The following ARL15 variants were observed in gnomAD, a reference collection of about 807,000 sequenced individuals.
ARL15 encodes the protein ARF like GTPase 15, also known as ADP-ribosylation factor-like protein 15.
Under a neutral mutation model 25.2 loss-of-function variants are expected in ARL15, and 19 were observed. The ratio of observed to expected loss-of-function variants is 0.75; its 90% confidence interval spans 0.53 to 1.10. The LOEUF (loss-of-function observed/expected upper bound fraction) is 1.10. Ranked by LOEUF, ARL15 falls within the 50% of genes least tolerant of loss-of-function variation. The probability of loss-of-function intolerance (pLI) is 0.00; values close to 1 mark genes in which losing one functional copy is unlikely to be tolerated. For synonymous variants in ARL15, 94 were observed against 86.8 expected (o/e 1.08, Z -0.46); for missense variants, 220 against 246.0 (o/e 0.89, Z 0.71).
intron 3 of ARL15, among the ~76,000 whole-genome samples, chr5:54,128,204 C>T (rs1753320153): frequency 6.6e-6 from 1 of 152,156 alleles, no homozygotes; most frequent in Non-Finnish European, 1.5e-5. Flanking sequence ...GTGAAGCCTT[C>T]CTTAATTTTA....
At chr5:53,992,397 C>A (rs1353818360) in intron 4 of ARL15, among the ~76,000 whole-genome samples, 1 of 152,118 alleles carries the variant, frequency 6.6e-6, no homozygotes, top group African/African-American at 2.4e-5. Flanking sequence ...ATAACACACA[C>A]AGAGGAAATC....
At position 54,208,403 on chromosome 5, in the gene ARL15, C is replaced by T. The variant is rs567922054; in HGVS notation, c.49-36475G>A. Among the ~76,000 whole-genome samples, 9 of 151,800 alleles carry T rather than the reference C, an allele frequency of 5.9e-5. No homozygotes were observed. In the East Asian group the frequency reaches 7.7e-4, roughly 13 times the overall value. On this transcript the variant is annotated intron_variant, in intron 1 of 4. Transcript: ENST00000504924. ...TCTAATACATATATACATGCACATG[C>T]GCACACACACACGCACACACACACA...
chr5:54,057,813 G>A (rs999275327), intron 4 of ARL15, among the ~76,000 whole-genome samples: 1 of 151,944 alleles, frequency 6.6e-6, no homozygotes, highest in Non-Finnish European at 1.5e-5. Flanking sequence ...TGCACCTCTC[G>A]ACTTCACTCC....
intron 4 of ARL15, among the ~76,000 whole-genome samples, chr5:54,063,951 T>A (rs1026082309): frequency 6.6e-6 from 1 of 152,208 alleles, no homozygotes; most frequent in Non-Finnish European, 1.5e-5. Context: ...GACCACATCA[T>A]TTTTAGCATT....
At chr5:53,985,252 C>T (rs534805597) in intron 4 of ARL15, among the ~76,000 whole-genome samples, 2 of 152,258 alleles carry the variant, frequency 1.3e-5, no homozygotes, top group South Asian at 2.1e-4. Flanking sequence ...TCACACTCCT[C>T]CCCCTATCTC....
chr5:54,099,267 TA>T (rs1752370187), intron 4 of ARL15, among the ~76,000 whole-genome samples: 1 of 152,184 alleles, frequency 6.6e-6, no homozygotes, highest in South Asian at 2.1e-4. Context: ...CAGAATGATA[TA>T]TCTGGAACAT....
chr5:54,129,118 C>T lies in ARL15; in HGVS notation c.254-15708G>A, dbSNP rs2112270858. ...ATTAAAAACAACAAAAAAACCAATC[C>T]CTTCCTGATACCTTTCAACATATAT... On this transcript the variant is annotated intron_variant, in intron 3 of 4. Coordinates refer to ENST00000504924, the MANE Select transcript of ARL15 (RefSeq NM_019087.3). Among the ~76,000 whole-genome samples the T allele has an allele frequency of 1.3e-5, 2 of 152,146 alleles. 1 individual carries two copies. The highest frequency in any genetic ancestry group is 4.1e-4 in the South Asian group (2 of 4,822).
chr5:53,897,105 T>G (rs918188692), intron 4 of ARL15, among the ~76,000 whole-genome samples: 19 of 152,230 alleles, frequency 1.2e-4, no homozygotes, highest in African/African-American at 4.3e-4. Context: ...ATTTGTATAC[T>G]ATAAAATTCA....
chr5:54,249,594 A>G (rs2289855), intron 1 of ARL15, among the ~76,000 whole-genome samples: 101,899 of 150,680 alleles, frequency 0.68, 35,337 homozygotes, highest in Non-Finnish European at 0.75. Flanking sequence ...AAGAATTCCC[A>G]TCTCTAGTTT....
chr5:53,911,837 A>G (rs1292545453), intron 4 of ARL15, among the ~76,000 whole-genome samples: 9 of 152,160 alleles, frequency 5.9e-5, no homozygotes. Context: ...CTCCAAAATA[A>G]TCTTTCAGGG....
chr5:54,182,537 T>C (rs1755091471), intron 1 of ARL15, among the ~76,000 whole-genome samples: 2 of 150,076 alleles, frequency 1.3e-5, no homozygotes, highest in South Asian at 4.2e-4. Flanking sequence ...TACCATGCTG[T>C]TTTGGTTACT....
intron 4 of ARL15, among the ~76,000 whole-genome samples, chr5:53,921,972 C>T (rs541846386): frequency 6.6e-6 from 1 of 152,170 alleles, no homozygotes; most frequent in Non-Finnish European, 1.5e-5. Flanking sequence ...CATACCAGAG[C>T]TATGCACTGA....
chr5:54,086,675 T>C (rs955893983), intron 4 of ARL15, among the ~76,000 whole-genome samples: 7 of 152,102 alleles, frequency 4.6e-5, no homozygotes, highest in South Asian at 2.1e-4. Flanking sequence ...ACATACATGC[T>C]ATAGCCAAAA....
At chr5:54,006,051 CAAAAAAAAAAAAAAAAA>C in intron 4 of ARL15, among the ~76,000 whole-genome samples, 1 of 57,568 alleles carries the variant, frequency 1.7e-5, no homozygotes, top group South Asian at 7.1e-4. Flanking sequence ...ATTACATCTC[CAAAAAAAAAAAAAAAAA>C]AAAAAAAGAA....
chr5:54,171,674 C>T (rs1026676286), intron 2 of ARL15, 110 bp downstream of exon 2: 2 of 1,240,360 alleles, frequency 1.6e-6, no homozygotes, highest in South Asian at 4.0e-5. Context: ...TTAAAATAAA[C>T]TGATTAAAGC....
chr5:54,083,632 CTA>C (rs1389687741), intron 4 of ARL15, among the ~76,000 whole-genome samples: 1 of 152,114 alleles, frequency 6.6e-6, no homozygotes, highest in Non-Finnish European at 1.5e-5. Flanking sequence ...AATACATTAA[CTA>C]TATTATCAGT....
At chr5:53,967,460 A>T (rs1042786319) in intron 4 of ARL15, among the ~76,000 whole-genome samples, 1 of 152,254 alleles carries the variant, frequency 6.6e-6, no homozygotes, top group African/African-American at 2.4e-5. Context: ...TGAAGGCTAT[A>T]GTGAACTTGA....
At chr5:53,981,365 AAGCCAGAAGGCACCCTG>A (rs1393091591) in intron 4 of ARL15, among the ~76,000 whole-genome samples, 2 of 152,190 alleles carry the variant, frequency 1.3e-5, no homozygotes, top group Admixed American at 6.5e-5. Context: ...GATATAGGGT[AAGCCAGAAGGCACCCTG>A]AGGGTCAGTC....
intron 1 of ARL15, among the ~76,000 whole-genome samples, chr5:54,260,170 A>G (rs991304156): frequency 2.0e-5 from 3 of 152,012 alleles, no homozygotes; most frequent in Non-Finnish European, 4.4e-5. Context: ...TAATGGTGCC[A>G]CTCTGGAATG....
Sources: allele counts gnomAD v4.1 joint callset (sites outside exome capture counted in the v4.1 genomes callset), GRCh38; gene constraint gnomAD v4.1.1; transcripts MANE v1.5; gene names NCBI Gene and HGNC (gene_info 2026-07-23, HGNC 2026-07-21).